ZNF674: variants seen among roughly 807,000 people sequenced by gnomAD.
The protein encoded by ZNF674 is zinc finger family member 674.
ZNF674 carries 2 observed loss-of-function variants against 7.0 expected under a neutral mutation model. The ratio of observed to expected loss-of-function variants is 0.29; its 90% CI spans 0.12 to 0.90. The LOEUF is 0.90. ZNF674 is among the 40% of genes least tolerant of loss of function. The pLI is 0.57. For synonymous variants in ZNF674, 103 were observed against 145.2 expected (o/e 0.71, Z 2.09); for missense variants, 297 against 415.5 (o/e 0.71, Z 2.48).
chrX:46,542,833 GA>G (rs1773923902), intron 2 of ZNF674, among the ~76,000 whole-genome samples: 1 of 112,438 alleles, frequency 8.9e-6, no homozygotes, highest in Non-Finnish European at 1.9e-5. Flanking sequence ...GATGGTTTCT[GA>G]ACTTTGTTTT....
intron 3 of ZNF674, among the ~76,000 whole-genome samples, 192 bp downstream of exon 3, chrX:46,541,881 T>C (rs908139415): frequency 8.9e-6 from 1 of 111,978 alleles, no homozygotes; most frequent in African/African-American, 3.2e-5. Context: ...GAAGAACAAG[T>C]AGAGAGAGGT....
Position 46,528,785 on chromosome X carries a change from A to G in ZNF674, c.140T>C (p.Val47Ala). The G allele has an allele frequency of 8.3e-7, 1 of 1,211,688 alleles. No homozygotes were observed. Among genetic ancestry groups the G allele is most frequent in the Non-Finnish European group, 1.1e-6 (1 of 895,501 alleles). Residue 47 changes from valine (V) to alanine (A), a missense_variant and splice_region_variant, in exon 4 of 6, where the codon GTG becomes GCG. Val to Ala is a moderately conservative substitution (Grantham distance 64). Coordinates refer to ENST00000683375, the MANE Select transcript of ZNF674 (RefSeq NM_001190417.2). The part of the protein sequence containing the change: ...MLENYSHLVS[V>A]GHLVGKPDVI... ...CACCCTGTGGCGCGGTCCCTCACCC[A>G]CGGACACCAGGTGGCTGTAGTTCTC... is the stretch of plus-strand genomic sequence containing the variant.
chrX:46,540,477 A>G (rs1169598690), intron 3 of ZNF674, among the ~76,000 whole-genome samples: 1 of 111,748 alleles, frequency 8.9e-6, no homozygotes, highest in African/African-American at 3.2e-5. Context: ...CTTAAGGGAA[A>G]CTGGTCTATA....
At chrX:46,533,069 T>A (rs1942137288) in intron 3 of ZNF674, among the ~76,000 whole-genome samples, 1 of 111,652 alleles carries the variant, frequency 9.0e-6, no homozygotes, top group Non-Finnish European at 1.9e-5. Flanking sequence ...TGCTAACATG[T>A]AGACATAAAA....
At chrX:46,538,895 AAAC>A (rs1321470643) in intron 3 of ZNF674, among the ~76,000 whole-genome samples, 5 of 111,178 alleles carry the variant, frequency 4.5e-5, no homozygotes, top group African/African-American at 1.6e-4. Flanking sequence ...CTGTCTCAAA[AAAC>A]AAATAGCCCA....
chrX:46,522,552 T>C lies in ZNF674; in HGVS notation c.238+5798A>G, dbSNP rs1306785717. 2.7e-5 allele frequency among the ~76,000 whole-genome samples: 3 copies of C among 111,770 alleles called. No homozygotes were observed. The East Asian group carries it at 8.4e-4, about 31-fold the overall frequency. ...AGTGGCACATGCCTATAGTACTGTC[T>C]ACTCAGGAGGCTGAGGCAGGAGGAT... is the stretch of plus-strand genomic sequence containing the variant. On this transcript the variant is annotated intron_variant, in intron 5 of 5. Transcript: ENST00000683375.
At chrX:46,533,136 C>T (rs1942138500) in intron 3 of ZNF674, among the ~76,000 whole-genome samples, 2 of 111,483 alleles carry the variant, frequency 1.8e-5, no homozygotes, top group Admixed American at 1.9e-4. Context: ...ATTACTCCCG[C>T]AGATAATATC....
chrX:46,537,577 G>T (rs183977654), intron 3 of ZNF674, among the ~76,000 whole-genome samples: 1 of 111,380 alleles, frequency 9.0e-6, no homozygotes, highest in East Asian at 2.8e-4. Flanking sequence ...CTTATAAATT[G>T]CCTGCCTTAT....
chrX:46,517,721 A>G (rs1200449048), intron 5 of ZNF674: 1 of 112,245 alleles, frequency 8.9e-6, no homozygotes, highest in East Asian at 2.8e-4. Context: ...CCATAATTCT[A>G]CATCCAGCAA....
intron 5 of ZNF674, among the ~76,000 whole-genome samples, chrX:46,502,544 T>TA (rs149440110): frequency 1.6e-3 from 172 of 107,548 alleles, no homozygotes; most frequent in African/African-American, 3.4e-3. Context: ...AGGCATTATT[T>TA]AAAAAAAAAA....
intron 3 of ZNF674, among the ~76,000 whole-genome samples, chrX:46,530,287 T>C (rs990346192): frequency 8.9e-6 from 1 of 111,790 alleles, no homozygotes; most frequent in African/African-American, 3.2e-5. Context: ...GCAGGAGGGC[T>C]TCTCAGAGCA....
chrX:46,541,956 G>A, intron 3 of ZNF674, 117 bp downstream of exon 3: 4 of 652,872 alleles, frequency 6.1e-6, no homozygotes, highest in Middle Eastern at 3.1e-4. Flanking sequence ...CTGAGGACAA[G>A]TTGAACAGAA....
intron 5 of ZNF674, among the ~76,000 whole-genome samples, chrX:46,501,939 C>T (rs1483402768): frequency 1.8e-5 from 2 of 109,723 alleles, no homozygotes; most frequent in East Asian, 2.8e-4. Flanking sequence ...CATACACACA[C>T]TCATGTCTTT....
chrX:46,524,996 C>T (rs899144099), intron 5 of ZNF674, among the ~76,000 whole-genome samples: 13 of 110,104 alleles, frequency 1.2e-4, no homozygotes, highest in African/African-American at 3.6e-4. Flanking sequence ...GGGAACAGAA[C>T]GAGACTCCAT....
intron 3 of ZNF674, among the ~76,000 whole-genome samples, chrX:46,537,711 C>T (rs1375417824): frequency 8.9e-6 from 1 of 112,124 alleles, no homozygotes; most frequent in Non-Finnish European, 1.9e-5. Context: ...TGTCTTCTGA[C>T]TCTACAGGTT....
chrX:46,529,357 GT>G (rs1942067112), intron 3 of ZNF674: 2 of 142,119 alleles, frequency 1.4e-5, no homozygotes, highest in Non-Finnish European at 2.8e-5. Flanking sequence ...GGTAAGTCCT[GT>G]GACATAAAGA....
intron 3 of ZNF674, among the ~76,000 whole-genome samples, chrX:46,531,265 G>A (rs192670647): frequency 2.7e-3 from 302 of 111,791 alleles, no homozygotes; most frequent in African/African-American, 9.5e-3. Context: ...TGTATCTTCT[G>A]TAATATCCTT....
rs769811914 is a variant in ZNF674, at chrX:46,511,746, G to A, written c.239-10411C>T. 3.6e-5 allele frequency among the ~76,000 whole-genome samples: 4 copies of A among 112,405 alleles called. No homozygotes were observed. In the East Asian group the frequency reaches 8.3e-4, roughly 23 times the overall value. ...ATTGATAAGAATGGTACAACAGGCCGGGCGCAATGGCTCATGCCTATAATC... is the reference window on the plus strand; with the variant it reads ...ATTGATAAGAATGGTACAACAGGCCAGGCGCAATGGCTCATGCCTATAATC... On this transcript the variant is annotated intron_variant, in intron 5 of 5. Transcript: ENST00000683375.
chrX:46,515,387 A>T (rs1262223363), intron 5 of ZNF674, among the ~76,000 whole-genome samples: 1 of 109,408 alleles, frequency 9.1e-6, no homozygotes, highest in Non-Finnish European at 1.9e-5. Flanking sequence ...AAAAAAGGAG[A>T]AAAGAAAGAC....
Sources: allele counts gnomAD v4.1 joint callset (sites outside exome capture counted in the v4.1 genomes callset), GRCh38; gene constraint gnomAD v4.1.1; transcripts MANE v1.5; gene names NCBI Gene and HGNC (gene_info 2026-07-23, HGNC 2026-07-21).